The following PCDHGA6 variants were observed in gnomAD, a reference collection of about 807,000 sequenced individuals.
The protein encoded by PCDHGA6 is protocadherin gamma-A6.
PCDHGA6 carries 41 observed loss-of-function variants against 60.6 expected under a neutral mutation model. That is an observed-to-expected ratio of 0.68 (90% CI 0.53 to 0.88). PCDHGA6 has a LOEUF of 0.88. Ranked by LOEUF, PCDHGA6 falls within the 40% of genes least tolerant of loss-of-function variation. The pLI is 0.00. For missense variants in PCDHGA6, 1,312 were observed against 1,203.0 expected (o/e 1.09, Z -1.34); for synonymous variants, 594 against 524.4 (o/e 1.13, Z -1.81).
rs186292704 is a variant in PCDHGA6 at position 141,490,783 on chromosome 5, C to T, written c.2425-4024C>T. ...TGTGTATGTCAACCCAGAGGATGGA[C>T]GGATCTTTGCCCAGCGTACCTTTGA... On this transcript the variant is annotated intron_variant, in intron 1 of 3. Transcript: ENST00000517434. The surrounding 1 kb of genome is among the most constrained non-coding windows in gnomAD (Gnocchi z 5.4). The T allele has an allele frequency of 8.1e-6, 13 of 1,614,024 alleles. 1 individual carries two copies. Among genetic ancestry groups the T allele is most frequent in the Middle Eastern group, 3.3e-4 (2 of 6,062 alleles).
chr5:141,413,833 G>A (rs917295013), intron 1 of PCDHGA6: 1 of 1,613,276 alleles, frequency 6.2e-7, no homozygotes, highest in Non-Finnish European at 8.5e-7. Context: ...CACCGCCTCC[G>A]ACGGGGGTGA....
Position 141,485,063 on chromosome 5 carries a change from A to C in PCDHGA6, c.2425-9744A>C. On this transcript the variant is annotated intron_variant, in intron 1 of 3. Transcript: ENST00000517434. This position sits in a 1 kb window ranked among gnomAD's most constrained non-coding sequence, Gnocchi z 5.7. ...CTTGCGGCGCCGGCCGAACCGCGCC[A>C]GAGCTGGCGCGGGGAAAGGGAGATA... is the stretch of plus-strand genomic sequence containing the variant. 2 of 874,986 alleles carry C rather than the reference A, an allele frequency of 2.3e-6. No individual in the cohort carries two copies. Among genetic ancestry groups the C allele is most frequent in the Non-Finnish European group, 3.6e-6 (2 of 551,278 alleles). 54.2% of individuals were successfully genotyped at this position (874,986 alleles called of 1,614,324 possible).
rs1487863444 is a variant in PCDHGA6 at position 141,491,016 on chromosome 5, G to A, written c.2425-3791G>A. On this transcript the variant is annotated intron_variant, in intron 1 of 3. Transcript: ENST00000517434. This position sits in a 1 kb window ranked among gnomAD's most constrained non-coding sequence, Gnocchi z 6.9. ...CTCCTGGCTCCTTGGTCACCAAGGTGACAGCCGTGGATGCTGATGCAGGCC... is the reference window on the plus strand; with the variant it reads ...CTCCTGGCTCCTTGGTCACCAAGGTAACAGCCGTGGATGCTGATGCAGGCC... 2.5e-6 allele frequency: 4 copies of A among 1,614,136 alleles called. No individual in the cohort carries two copies. The African/African-American group carries it at 5.3e-5, about 22-fold the overall frequency.
At chr5:141,501,355 A>G (rs936121172) in intron 2 of PCDHGA6, among the ~76,000 whole-genome samples, 4 of 151,760 alleles carry the variant, frequency 2.6e-5, no homozygotes, top group African/African-American at 9.7e-5. Flanking sequence ...ATAGGGCAAG[A>G]ACCATATTCA....
chr5:141,506,760 G>A (rs1018086132), intron 3 of PCDHGA6, among the ~76,000 whole-genome samples: 1 of 152,128 alleles, frequency 6.6e-6, no homozygotes, highest in Non-Finnish European at 1.5e-5. Context: ...CTAGCTTCTG[G>A]AGCAGCAAAT....
intron 1 of PCDHGA6, chr5:141,403,903 G>T: frequency 1.2e-6 from 2 of 1,613,804 alleles, no homozygotes; most frequent in Non-Finnish European, 1.7e-6. Context: ...TTTATGAAAT[G>T]GAAATACAAG....
chr5:141,400,372 A>T, intron 1 of PCDHGA6: 1 of 1,613,980 alleles, frequency 6.2e-7, no homozygotes, highest in South Asian at 1.1e-5. Flanking sequence ...TTATTCCTAC[A>T]ACCTATGTGT....
At chr5:141,413,970 G>A in intron 1 of PCDHGA6, 1 of 1,613,450 alleles carries the variant, frequency 6.2e-7, no homozygotes, top group Non-Finnish European at 8.5e-7. Flanking sequence ...GCACTCAGCT[G>A]CTGACAGTCA....
At position 141,487,939 on chromosome 5, in the gene PCDHGA6, C is replaced by A; in HGVS notation, c.2425-6868C>A. ...AGGCTACAGTGCACAGGGTACAGTG[C>A]ACCAGGCAGTCACTTGGACAAAGGT... On this transcript the variant is annotated intron_variant, in intron 1 of 3. Coordinates refer to ENST00000517434, the MANE Select transcript of PCDHGA6 (RefSeq NM_018919.3). The surrounding 1 kb of genome is among the most constrained non-coding windows in gnomAD (Gnocchi z 5.0). The A allele has an allele frequency of 1.7e-6, 1 of 600,512 alleles. No individual in the cohort carries two copies. Among genetic ancestry groups the A allele is most frequent in the Non-Finnish European group, 2.9e-6 (1 of 343,042 alleles). The allele number at this position is 600,512 out of a possible 1,614,324, so 37.2% of individuals were successfully genotyped here.
chr5:141,476,234 G>A lies in PCDHGA6; in HGVS notation c.2425-18573G>A. 6.2e-7 allele frequency: 1 copy of A among 1,614,070 alleles called. No individual in the cohort carries two copies. The highest frequency in any genetic ancestry group is 8.5e-7 in the Non-Finnish European group (1 of 1,180,014). On this transcript the variant is annotated intron_variant, in intron 1 of 3. Coordinates refer to ENST00000517434, the MANE Select transcript of PCDHGA6 (RefSeq NM_018919.3). The surrounding 1 kb of genome is among the most constrained non-coding windows in gnomAD (Gnocchi z 7.6). Reference sequence around the variant, plus strand: ...GGTCATTCACTATGAGATCCCGGAGGAAAGAGAGAAGGGTTTCGCTGTGGG... The same window carrying A: ...GGTCATTCACTATGAGATCCCGGAGAAAAGAGAGAAGGGTTTCGCTGTGGG...
In PCDHGA6 at chr5:141,431,141, G is replaced by A. The variant is rs1262504427; in HGVS notation, c.2424+54634G>A. 24 of 1,614,212 alleles carry A rather than the reference G, an allele frequency of 1.5e-5. No individual in the cohort carries two copies. The highest frequency in any genetic ancestry group is 2.0e-5 in the Non-Finnish European group (24 of 1,180,030). On this transcript the variant is annotated intron_variant, in intron 1 of 3. Coordinates refer to ENST00000517434, the MANE Select transcript of PCDHGA6 (RefSeq NM_018919.3). The surrounding 1 kb of genome is among the most constrained non-coding windows in gnomAD (Gnocchi z 4.8). ...AGAAGTAGAAGTAAGGGACATTAAC[G>A]ACAATGCGCCTTACTTTCGTGAAAG...
In PCDHGA6 at chr5:141,487,161, T is replaced by G; in HGVS notation, c.2425-7646T>G. ...CTCTCTACCTCTGTTACTCTCTTAGTGTCCTTAGAGGAAGACACTCATCCA... is the reference window on the plus strand; with the variant it reads ...CTCTCTACCTCTGTTACTCTCTTAGGGTCCTTAGAGGAAGACACTCATCCA... On this transcript the variant is annotated intron_variant, in intron 1 of 3. Transcript: ENST00000517434. The surrounding 1 kb of genome is among the most constrained non-coding windows in gnomAD (Gnocchi z 5.0). The G allele has an allele frequency of 6.2e-7, 1 of 1,613,528 alleles. No individual in the cohort carries two copies. The highest frequency in any genetic ancestry group is 1.1e-5 in the South Asian group (1 of 91,072).
chr5:141,436,035 A>G (rs957896521), intron 1 of PCDHGA6, among the ~76,000 whole-genome samples: 3 of 152,178 alleles, frequency 2.0e-5, no homozygotes, highest in Non-Finnish European at 4.4e-5. Flanking sequence ...CTAAATTTGT[A>G]TTTACATTAG....
intron 1 of PCDHGA6, chr5:141,427,677 C>T: frequency 1.2e-6 from 1 of 816,672 alleles, no homozygotes; most frequent in Non-Finnish European, 2.1e-6. Flanking sequence ...AAACAACCTT[C>T]CCGGAGCCTC....
chr5:141,448,704 G>A (rs1272148301), intron 1 of PCDHGA6, among the ~76,000 whole-genome samples: 1 of 152,134 alleles, frequency 6.6e-6, no homozygotes. Flanking sequence ...ACTTTGGGAG[G>A]CCGAGGCGGG....
chr5:141,472,200 C>A (rs2099274166), intron 1 of PCDHGA6, among the ~76,000 whole-genome samples: 1 of 152,110 alleles, frequency 6.6e-6, no homozygotes, highest in Non-Finnish European at 1.5e-5. Flanking sequence ...ATCTTTTTGA[C>A]ACTAAGACCT....
At chr5:141,462,039 T>A (rs569871892) in intron 1 of PCDHGA6, among the ~76,000 whole-genome samples, 1 of 152,276 alleles carries the variant, frequency 6.6e-6, no homozygotes, top group Non-Finnish European at 1.5e-5. Flanking sequence ...GTCAGGCGGG[T>A]CTTGAACTCC....
chr5:141,416,098 G>A (rs745507614), intron 1 of PCDHGA6: 19 of 160,674 alleles, frequency 1.2e-4, no homozygotes, highest in Non-Finnish European at 8.1e-5. Flanking sequence ...AAGGGCAATA[G>A]GCCTTTTTCA....
chr5:141,428,557 C>T (rs2097147196), intron 1 of PCDHGA6: 2 of 242,520 alleles, frequency 8.2e-6, no homozygotes, highest in Non-Finnish European at 1.6e-5. Context: ...AACAGTCCCC[C>T]CACAAGATCT....
Sources: gnomAD v4.1 joint callset for allele counts (sites outside exome capture counted in the v4.1 genomes callset) on GRCh38, gnomAD v4.1.1 for gene constraint, Gnocchi (gnomAD v3.1) non-coding constraint, MANE v1.5 for transcripts, NCBI Gene and HGNC (gene_info 2026-07-23, HGNC 2026-07-21) for gene names.